The following TLR4 variants were observed in gnomAD, a reference collection of about 807,000 sequenced individuals.
TLR4 encodes toll-like receptor 4.
A neutral mutation model predicts 27.4 loss-of-function variants in TLR4; 17 were observed. The observed-to-expected ratio is 0.62, with a 90% CI of 0.42 to 0.93. The LOEUF (loss-of-function observed/expected upper bound fraction) is 0.93, where lower values mean the gene tolerates loss of function less well. TLR4 is among the 40% of genes least tolerant of loss of function. TLR4 has a pLI of 0.00. For missense variants in TLR4, 926 were observed against 962.3 expected (o/e 0.96, Z 0.50); for synonymous variants, 363 against 365.7 (o/e 0.99, Z 0.08).
At position 117,713,021 on chromosome 9, in the gene TLR4, A is replaced by C. The variant is rs758825703; in HGVS notation, c.893A>C (p.Asp298Ala). The C allele has an allele frequency of 1.9e-6, 3 of 1,614,062 alleles. No individual in the cohort carries two copies. The highest frequency in any genetic ancestry group is 2.5e-6 in the Non-Finnish European group (3 of 1,179,970). ...FRLAYLDYYL[D>A]DIIDLFNCLT... ...TTAGCATACTTAGACTACTACCTCG[A>C]TGATATTATTGACTTATTTAATTGT... The change falls in exon 3 of 3, where the codon GAT becomes GCT. Residue 298 changes from aspartate to alanine, a missense_variant. Physicochemically the swap from Asp to Ala is moderately radical, Grantham distance 126. Coordinates refer to ENST00000355622, the MANE Select transcript of TLR4 (RefSeq NM_138554.5).
chr9:117,704,662 A>AT, intron 1 of TLR4, 97 bp downstream of exon 1: 1 of 1,041,490 alleles, frequency 9.6e-7, no homozygotes, highest in South Asian at 1.3e-5. Context: ...AAAAAAAAAA[A>AT]AGAGTTAAAT....
In TLR4 at chr9:117,714,998, T is replaced by C. The variant is rs1374588998; in HGVS notation, c.*350T>C. 1 of 278,244 alleles carries C rather than the reference T, an allele frequency of 3.6e-6. No individual in the cohort carries two copies. Among genetic ancestry groups the C allele is most frequent in the Non-Finnish European group, 7.0e-6 (1 of 143,882 alleles). 17.2% of individuals were successfully genotyped at this position (278,244 alleles called of 1,614,324 possible). Reference sequence around the variant, plus strand: ...AGTCTTTTGAATGGAAATTGTATTATGTTATAGCCATCATAAAACCATTTT... The same window carrying C: ...AGTCTTTTGAATGGAAATTGTATTACGTTATAGCCATCATAAAACCATTTT... On this transcript the variant is annotated 3_prime_UTR_variant, in exon 3 of 3. Transcript: ENST00000355622.
Position 117,714,697 on chromosome 9 carries a change from A to G in TLR4, c.*49A>G. 1 of 1,526,826 alleles carries G rather than the reference A, an allele frequency of 6.5e-7. No homozygotes were observed. Among genetic ancestry groups the G allele is most frequent in the Non-Finnish European group, 9.0e-7 (1 of 1,106,320 alleles). 94.6% of individuals were successfully genotyped at this position (1,526,826 alleles called of 1,614,324 possible). A position where few individuals can be genotyped will look rare whatever the true frequency, so the allele number is the denominator to read the frequency against. The stretch of plus-strand genomic sequence containing the variant: ...AGGCATTTCTTGCCCAGCTGGGTCC[A>G]ACACTTGTTCAGTTAATAAGTATTA... On this transcript the variant is annotated 3_prime_UTR_variant, in exon 3 of 3. Transcript: ENST00000355622.
In TLR4 at chr9:117,713,734, G is replaced by A. The variant is rs1184583373; in HGVS notation, c.1606G>A (p.Asp536Asn). ...NMSHNNFFSL[D>N]TFPYKCLNSL... ...GAGCCACAACAACTTCTTTTCATTG[G>A]ATACGTTTCCTTATAAGTGTCTGAA... Residue 536 changes from aspartate (D) to asparagine (N), a missense_variant, in exon 3 of 3, where the codon GAT (aspartate) becomes AAT (asparagine). Physicochemically the swap from Asp to Asn is conservative, Grantham distance 23. Transcript: ENST00000355622. 1.2e-6 allele frequency: 2 copies of A among 1,613,910 alleles called. No homozygotes were observed. The highest frequency in any genetic ancestry group is 1.1e-5 in the South Asian group (1 of 91,078).
At chr9:117,709,445 C>T (rs754948435) in intron 2 of TLR4, among the ~76,000 whole-genome samples, 6 of 152,114 alleles carry the variant, frequency 3.9e-5, no homozygotes, top group Non-Finnish European at 1.5e-5. Context: ...TAAAGGAAAA[C>T]ATCTGCTGTG....
rs1829315380 is a variant in TLR4 at position 117,714,817 on chromosome 9, G to A, written c.*169G>A. Reference sequence around the variant, plus strand: ...CTAATCTCAAGGAGCTTCCAGTGCAGAGGGAATAAATGCTAGACTAAAATA... The same window carrying A: ...CTAATCTCAAGGAGCTTCCAGTGCAAAGGGAATAAATGCTAGACTAAAATA... On this transcript the variant is annotated 3_prime_UTR_variant, in exon 3 of 3. Coordinates refer to ENST00000355622, the MANE Select transcript of TLR4 (RefSeq NM_138554.5). The A allele has an allele frequency of 1.5e-6, 1 of 678,584 alleles. No homozygotes were observed. The highest frequency in any genetic ancestry group is 2.6e-6 in the Non-Finnish European group (1 of 385,230). 42.0% of individuals were successfully genotyped at this position (678,584 alleles called of 1,614,324 possible). A position where few individuals can be genotyped will look rare whatever the true frequency, so the allele number is the denominator to read the frequency against.
Position 117,712,496 on chromosome 9 carries a change from C to G in TLR4, c.368C>G (p.Ser123Cys), listed in dbSNP as rs1390845620. 1 of 1,613,946 alleles carries G rather than the reference C, an allele frequency of 6.2e-7. No individual in the cohort carries two copies. The highest frequency in any genetic ancestry group is 8.5e-7 in the Non-Finnish European group (1 of 1,179,928). ...PIQSLALGAF[S>C]GLSSLQKLVA... ...CAGAGTTTAGCCCTGGGAGCCTTTT[C>G]TGGACTATCAAGTTTACAGAAGCTG... The change falls in exon 3 of 3, where the codon TCT becomes TGT. Residue 123 changes from serine (S) to cysteine (C), a missense_variant. By Grantham distance (112) the Ser-to-Cys change is moderately radical (BLOSUM62 -1). Transcript: ENST00000355622.
At position 117,714,113 on chromosome 9, in the gene TLR4, C is replaced by T. The variant is rs201408602; in HGVS notation, c.1985C>T (p.Ala662Val). 10 of 1,614,084 alleles carry T rather than the reference C, an allele frequency of 6.2e-6. No individual in the cohort carries two copies. The highest frequency in any genetic ancestry group is 1.7e-5 in the Admixed American group (1 of 59,992). Residue 662 changes from alanine to valine, a missense_variant, in exon 3 of 3, where the codon GCT becomes GTT. Coordinates refer to ENST00000355622, the MANE Select transcript of TLR4 (RefSeq NM_138554.5). ...YKFYFHLMLL[A>V]GCIKYGRGEN... ...TTCTATTTTCACCTGATGCTTCTTGCTGGCTGCATAAAGTATGGTAGAGGT... is the reference window on the plus strand; with the variant it reads ...TTCTATTTTCACCTGATGCTTCTTGTTGGCTGCATAAAGTATGGTAGAGGT...
chr9:117,706,046 A>C (rs1829130520), intron 1 of TLR4, among the ~76,000 whole-genome samples: 1 of 152,104 alleles, frequency 6.6e-6, no homozygotes, highest in Admixed American at 6.6e-5. Flanking sequence ...ATTTTAATAT[A>C]TATTTACCTA....
At chr9:117,712,339 T>C in intron 2 of TLR4, 50 bp from the exon 3 acceptor site, 1 of 1,546,378 alleles carries the variant, frequency 6.5e-7, no homozygotes, top group South Asian at 1.1e-5. Flanking sequence ...CTATTTTAGG[T>C]TCTTATTCAG....
chr9:117,707,588 A>T (rs988790150), intron 1 of TLR4, among the ~76,000 whole-genome samples: 13 of 152,220 alleles, frequency 8.5e-5, no homozygotes, highest in Non-Finnish European at 1.5e-4. Flanking sequence ...GAGCATTCAG[A>T]AATTAGATGG....
chr9:117,710,816 C>G (rs939532646), intron 2 of TLR4, among the ~76,000 whole-genome samples: 1 of 152,004 alleles, frequency 6.6e-6, no homozygotes, highest in Non-Finnish European at 1.5e-5. Flanking sequence ...TATACATTAT[C>G]ATTGCTTGTT....
In TLR4 at chr9:117,723,993, TA is replaced by T. The variant is rs1177846471; in HGVS notation, c.*9350del. On this transcript the variant is annotated 3_prime_UTR_variant, in exon 3 of 3. Coordinates refer to ENST00000355622, the MANE Select transcript of TLR4 (RefSeq NM_138554.5). ...CATAAATTTCACAGTTGTGGATTGA[TA>T]AAAACAGAGAACTCTGGTTCCTCAT... 1 of 152,258 alleles carries T rather than the reference TA, an allele frequency of 6.6e-6. No individual in the cohort carries two copies. Among genetic ancestry groups the T allele is most frequent in the Non-Finnish European group, 1.5e-5 (1 of 68,062 alleles). 9.4% of individuals were successfully genotyped at this position (152,258 alleles called of 1,614,324 possible).
At chr9:117,712,148 T>C (rs1016310665) in intron 2 of TLR4, among the ~76,000 whole-genome samples, 7 of 152,140 alleles carry the variant, frequency 4.6e-5, no homozygotes, top group African/African-American at 1.7e-4. Context: ...CCTCTGCTTA[T>C]CATGTATGCC....
At position 117,712,383 on chromosome 9, in the gene TLR4, C is replaced by A; in HGVS notation, c.261-6C>A. The A allele has an allele frequency of 1.2e-6, 2 of 1,612,080 alleles. No individual in the cohort carries two copies. Among genetic ancestry groups the A allele is most frequent in the Middle Eastern group, 1.7e-4 (1 of 6,052 alleles). ...TTAGATAATCAATGTCTTTTTATTC[C>A]TGTAGGTGTGAAATCCAGACAATTG... On this transcript the variant is annotated splice_polypyrimidine_tract_variant and splice_region_variant and intron_variant, in intron 2 of 2. Transcript: ENST00000355622.
At position 117,712,787 on chromosome 9, in the gene TLR4, C is replaced by A. The variant is rs760785276; in HGVS notation, c.659C>A (p.Pro220Gln). ...CTGAACCCTATGAACTTTATCCAACCAGGTGCATTTAAAGAAATTAGGCTT... is the reference window on the plus strand; with the variant it reads ...CTGAACCCTATGAACTTTATCCAACAAGGTGCATTTAAAGAAATTAGGCTT... ...LSLNPMNFIQ[P>Q]GAFKEIRLHK... Residue 220 changes from proline to glutamine, a missense_variant, in exon 3 of 3, where the codon CCA (proline) becomes CAA (glutamine). Physicochemically the swap from Pro to Gln is moderately conservative, Grantham distance 76. Transcript: ENST00000355622. 2 of 1,614,014 alleles carry A rather than the reference C, an allele frequency of 1.2e-6. No individual in the cohort carries two copies. The highest frequency in any genetic ancestry group is 1.3e-5 in the African/African-American group (1 of 75,032).
At position 117,713,410 on chromosome 9, in the gene TLR4, G is replaced by T. The variant is rs376443096; in HGVS notation, c.1282G>T (p.Asp428Tyr). 4 of 1,613,860 alleles carry T rather than the reference G, an allele frequency of 2.5e-6. No individual in the cohort carries two copies. The South Asian group carries it at 3.3e-5, about 13-fold the overall frequency. Reference sequence around the variant, plus strand: ...GGGCTTAGAACAACTAGAACATCTGGATTTCCAGCATTCCAATTTGAAACA... The same window carrying T: ...GGGCTTAGAACAACTAGAACATCTGTATTTCCAGCATTCCAATTTGAAACA... ...FLGLEQLEHL[D>Y]FQHSNLKQMS... is the part of the protein sequence containing the mutation. The change falls in exon 3 of 3, where the codon GAT becomes TAT. Residue 428 changes from aspartate to tyrosine, a missense_variant. By Grantham distance (160) the Asp-to-Tyr change is radical (BLOSUM62 -3). Transcript: ENST00000355622.
At position 117,715,405 on chromosome 9, in the gene TLR4, CTGTCACTT is replaced by C. The variant is rs1344450320; in HGVS notation, c.*765_*772del. On this transcript the variant is annotated 3_prime_UTR_variant, in exon 3 of 3. Coordinates refer to ENST00000355622, the MANE Select transcript of TLR4 (RefSeq NM_138554.5). ...TCAAGGAAGTATGGAAAAGTACACT[CTGTCACTT>C]TGTCACTCGATGTCATTCCAAAGTT... The C allele has an allele frequency of 7.9e-5, 12 of 152,308 alleles. No homozygotes were observed. In the East Asian group the frequency reaches 2.1e-3, roughly 27 times the overall value. 9.4% of individuals were successfully genotyped at this position (152,308 alleles called of 1,614,324 possible).
chr9:117,705,921 G>A (rs1261484630), intron 1 of TLR4, among the ~76,000 whole-genome samples: 1 of 151,812 alleles, frequency 6.6e-6, no homozygotes, highest in Non-Finnish European at 1.5e-5. Context: ...GCAATATTAT[G>A]TGAGCCACAT....
Sources: allele counts gnomAD v4.1 joint callset (sites outside exome capture counted in the v4.1 genomes callset), GRCh38; gene constraint gnomAD v4.1.1; transcripts MANE v1.5; gene names NCBI Gene and HGNC (gene_info 2026-07-23, HGNC 2026-07-21).